The following FARP1 variants were observed in gnomAD, a reference collection of about 807,000 sequenced individuals.
The protein encoded by FARP1 is FERM, ARHGEF and pleckstrin domain-containing protein 1.
Under a neutral mutation model 128.8 loss-of-function variants are expected in FARP1, and 52 were observed. That is an observed-to-expected ratio of 0.40 (90% CI 0.32 to 0.51). FARP1 has a LOEUF of 0.51. Among genes scored for constraint, FARP1 ranks in the 20% least tolerant of loss-of-function variants. FARP1 has a pLI of 0.45. For synonymous variants in FARP1, 580 were observed against 551.8 expected (o/e 1.05, Z -0.72); for missense variants, 1,333 against 1,367.9 (o/e 0.97, Z 0.40).
intron 6 of FARP1, among the ~76,000 whole-genome samples, chr13:98,381,367 G>A (rs1482172653): frequency 6.6e-6 from 1 of 152,168 alleles, no homozygotes; most frequent in Admixed American, 6.6e-5. Context: ...CTGGTAAGCT[G>A]ATGTTCATCT....
intron 1 of FARP1, among the ~76,000 whole-genome samples, chr13:98,184,547 G>A (rs1291168936): frequency 1.3e-5 from 2 of 152,318 alleles, no homozygotes; most frequent in South Asian, 2.1e-4. Context: ...TATGTGGAGT[G>A]TGATTCACCT....
chr13:98,372,197 C>T (rs1889371133), intron 5 of FARP1, among the ~76,000 whole-genome samples: 1 of 144,770 alleles, frequency 6.9e-6, no homozygotes, highest in Admixed American at 7.3e-5. Flanking sequence ...AGCGATTCTT[C>T]TGCATCAGCC....
At chr13:98,368,770 A>G (rs142195420) in intron 5 of FARP1, among the ~76,000 whole-genome samples, 7 of 152,270 alleles carry the variant, frequency 4.6e-5, no homozygotes, top group African/African-American at 1.7e-4. Flanking sequence ...GCAGTATTAT[A>G]CTAGAGTAGC....
chr13:98,166,132 A>G (rs901264751), intron 1 of FARP1, among the ~76,000 whole-genome samples: 27 of 152,186 alleles, frequency 1.8e-4, no homozygotes, highest in African/African-American at 6.0e-4. Flanking sequence ...ATATTAGTAC[A>G]TACAGATTGG....
At chr13:98,221,525 G>T (rs538847592) in intron 2 of FARP1, among the ~76,000 whole-genome samples, 44 of 152,264 alleles carry the variant, frequency 2.9e-4, no homozygotes, top group Admixed American at 1.6e-3. Context: ...GACAATTGCC[G>T]TGAAACCTCC....
intron 2 of FARP1, chr13:98,338,839 ATGC>A (rs1487992921): frequency 2.6e-5 from 4 of 152,238 alleles, no homozygotes; most frequent in African/African-American, 9.6e-5. Context: ...CAGAGAAATG[ATGC>A]TGCAAGCTGA....
At chr13:98,277,864 G>T (rs1340255085) in intron 2 of FARP1, among the ~76,000 whole-genome samples, 3 of 152,186 alleles carry the variant, frequency 2.0e-5, no homozygotes, top group African/African-American at 4.8e-5. Context: ...GATTCAATTG[G>T]TTGGGCGGGG....
At chr13:98,151,458 A>G (rs1316391888) in intron 1 of FARP1, among the ~76,000 whole-genome samples, 1 of 152,078 alleles carries the variant, frequency 6.6e-6, no homozygotes, top group Non-Finnish European at 1.5e-5. Flanking sequence ...CAAGTATTGT[A>G]AGGTCAAGAA....
chr13:98,202,742 T>G (rs773809276), intron 1 of FARP1, among the ~76,000 whole-genome samples: 1 of 152,210 alleles, frequency 6.6e-6, no homozygotes, highest in Non-Finnish European at 1.5e-5. Flanking sequence ...TTTTAAGAGA[T>G]AGGGTCTTGC....
At chr13:98,222,899 G>A (rs1448653124) in intron 2 of FARP1, among the ~76,000 whole-genome samples, 2 of 150,822 alleles carry the variant, frequency 1.3e-5, no homozygotes, top group Non-Finnish European at 2.9e-5. Flanking sequence ...GCCTCCTAAA[G>A]TGCTGAGATT....
At chr13:98,153,530 T>G (rs866530854) in intron 1 of FARP1, among the ~76,000 whole-genome samples, 1 of 89,184 alleles carries the variant, frequency 1.1e-5, no homozygotes, top group Non-Finnish European at 2.6e-5. Flanking sequence ...TATATATATA[T>G]TATATATAAA....
At position 98,448,731 on chromosome 13, in the gene FARP1, T is replaced by G. The variant is rs1418000861; in HGVS notation, c.*414T>G. On this transcript the variant is annotated 3_prime_UTR_variant, in exon 27 of 27. Coordinates refer to ENST00000319562, the MANE Select transcript of FARP1 (RefSeq NM_005766.4). ...GGCTGCTGCATTTTACGAAGTGGACTTCCCGGTGTTTGTTTGTTTGTTTGC... is the reference window on the plus strand; with the variant it reads ...GGCTGCTGCATTTTACGAAGTGGACGTCCCGGTGTTTGTTTGTTTGTTTGC... 3 of 117,886 alleles carry G rather than the reference T, an allele frequency of 2.5e-5. No homozygotes were observed. Among genetic ancestry groups the G allele is most frequent in the Non-Finnish European group, 3.7e-5 (2 of 53,396 alleles). The allele number at this position is 117,886 out of a possible 1,614,324, so 7.3% of individuals were successfully genotyped here.
At chr13:98,387,913 G>A (rs1890160601) in intron 8 of FARP1, among the ~76,000 whole-genome samples, 2 of 152,168 alleles carry the variant, frequency 1.3e-5, no homozygotes, top group East Asian at 3.9e-4. Flanking sequence ...CATTAAACGT[G>A]TCATTTGCAG....
intron 1 of FARP1, 35 bp from the exon 2 acceptor site, chr13:98,213,185 T>G: frequency 9.0e-6 from 14 of 1,562,368 alleles, no homozygotes; most frequent in Non-Finnish European, 1.2e-5. Context: ...AGTCTCCTAT[T>G]CTGATGTGTT....
intron 2 of FARP1, among the ~76,000 whole-genome samples, chr13:98,231,462 G>A (rs1882110185): frequency 6.6e-6 from 1 of 151,904 alleles, no homozygotes; most frequent in Non-Finnish European, 1.5e-5. Context: ...ATTTGAGACA[G>A]AGGCTCGCTC....
intron 1 of FARP1, among the ~76,000 whole-genome samples, chr13:98,179,653 A>G (rs939673235): frequency 7.2e-5 from 11 of 152,062 alleles, no homozygotes; most frequent in African/African-American, 2.4e-5. Flanking sequence ...TCACGAGGTC[A>G]GGAGATCGAG....
chr13:98,397,860 C>A (rs1234234040), intron 13 of FARP1: 1 of 134,696 alleles, frequency 7.4e-6, no homozygotes, highest in Non-Finnish European at 1.5e-5. Context: ...TTCTTGATGC[C>A]TGTGATTTGT....
intron 2 of FARP1, among the ~76,000 whole-genome samples, chr13:98,300,845 C>G (rs1290514703): frequency 2.8e-5 from 4 of 142,532 alleles, no homozygotes; most frequent in African/African-American, 9.8e-5. Context: ...GTCTTCTGTG[C>G]TGCTGCCGAC....
chr13:98,222,756 G>A (rs1490698470), intron 2 of FARP1, among the ~76,000 whole-genome samples: 1 of 151,100 alleles, frequency 6.6e-6, no homozygotes, highest in East Asian at 1.9e-4. Context: ...CCAGTAGGTA[G>A]GACTAGGACT....
Sources: allele counts gnomAD v4.1 joint callset (sites outside exome capture counted in the v4.1 genomes callset), GRCh38; gene constraint gnomAD v4.1.1; transcripts MANE v1.5; gene names NCBI Gene and HGNC (gene_info 2026-07-23, HGNC 2026-07-21).